Variants in FDCSP observed in about 807,000 individuals in gnomAD.
The protein encoded by FDCSP is follicular dendritic cell secreted peptide.
Under a neutral mutation model 8.9 loss-of-function variants are expected in FDCSP, and 8 were observed. The observed-to-expected ratio is 0.90, with a 90% confidence interval of 0.53 to 1.63. The LOEUF (loss-of-function observed/expected upper bound fraction) is 1.63. Ranked by LOEUF, FDCSP falls within the 40% of genes most tolerant of loss-of-function variation. The pLI is 0.00. For synonymous variants in FDCSP, 34 were observed against 34.5 expected, an observed-to-expected ratio of 0.98 and a Z score of 0.06; for missense variants, 101 against 103.6, an observed-to-expected ratio of 0.98 and a Z score of 0.11.
At chr4:70,232,091 G>T (rs1400300380) in intron 2 of FDCSP, among the ~76,000 whole-genome samples, 1 of 151,632 alleles carries the variant, frequency 6.6e-6, no homozygotes, top group East Asian at 1.9e-4. Flanking sequence ...GTAAGCTAAG[G>T]TTAATTTATT....
chr4:70,234,173 C>T lies in FDCSP; in HGVS notation c.244C>T (p.Pro82Ser), dbSNP rs371083252. The T allele has an allele frequency of 8.1e-6, 13 of 1,609,418 alleles. No homozygotes were observed. In the African/African-American group the frequency reaches 1.6e-4, roughly 20 times the overall value. Residue 82 changes from proline to serine, a missense_variant, in exon 4 of 5, where the codon CCT becomes TCT. Pro to Ser is a moderately conservative substitution (Grantham distance 74). Transcript: ENST00000317987. ...IPESAPTTPL[P>S]SEK Reference sequence around the variant, plus strand: ...TGAATCTGCCCCTACAACTCCCCTTCCTAGCGAAAAGTAAACAAGAAGGAA... The same window carrying T: ...TGAATCTGCCCCTACAACTCCCCTTTCTAGCGAAAAGTAAACAAGAAGGAA...
chr4:70,232,438 A>C (rs944370998), intron 2 of FDCSP, among the ~76,000 whole-genome samples: 9 of 151,734 alleles, frequency 5.9e-5, no homozygotes, highest in African/African-American at 1.9e-4. Context: ...TATGCCATAC[A>C]GTTTTGTAGT....
chr4:70,234,994 C>T (rs1413143195), intron 4 of FDCSP, 91 bp from the exon 5 acceptor site: 1 of 151,434 alleles, frequency 6.6e-6, no homozygotes, highest in East Asian at 1.9e-4. Flanking sequence ...ATTTTTAAGC[C>T]AATAGTTGTC....
At chr4:70,231,815 G>A (rs146578790) in intron 2 of FDCSP, among the ~76,000 whole-genome samples, 1 of 151,682 alleles carries the variant, frequency 6.6e-6, no homozygotes, top group Non-Finnish European at 1.5e-5. Context: ...GGAGATGATA[G>A]TTCCACATGT....
At chr4:70,231,727 AT>A (rs1730087779) in intron 2 of FDCSP, among the ~76,000 whole-genome samples, 1 of 151,684 alleles carries the variant, frequency 6.6e-6, no homozygotes, top group African/African-American at 2.4e-5. Flanking sequence ...TCCTTCTACT[AT>A]TTTTTAAACA....
chr4:70,232,972 A>C (rs1460022613), intron 2 of FDCSP, 22 bp from the exon 3 acceptor site: 2 of 1,581,876 alleles, frequency 1.3e-6, no homozygotes, highest in African/African-American at 2.7e-5. Context: ...GAGTTTAATT[A>C]ATTTCACTAT....
rs528563702 is a variant in FDCSP, at chr4:70,231,493, TA to T, written c.57+243del. Among the ~76,000 whole-genome samples the T allele has an allele frequency of 5.8e-3, 874 of 151,484 alleles. 10 individuals carry two copies. The highest frequency in any genetic ancestry group is 0.02 in the African/African-American group (822 of 41,376). ...TCCCCTCTCTATAAAAAAAAATATATATATAATGAACCTAATGACATTGTGG... is the reference window on the plus strand; with the variant it reads ...TCCCCTCTCTATAAAAAAAAATATATTATAATGAACCTAATGACATTGTGG... On this transcript the variant is annotated intron_variant, in intron 2 of 4. Coordinates refer to ENST00000317987, the MANE Select transcript of FDCSP (RefSeq NM_152997.4).
intron 2 of FDCSP, among the ~76,000 whole-genome samples, chr4:70,232,302 C>G (rs1375147932): frequency 6.6e-6 from 1 of 151,442 alleles, no homozygotes; most frequent in Non-Finnish European, 1.5e-5. Context: ...TAAAGGATAC[C>G]ATTTTCCATC....
In FDCSP at chr4:70,234,000, T is replaced by A; in HGVS notation, c.91-20T>A. 1.9e-6 allele frequency: 3 copies of A among 1,580,866 alleles called. No individual in the cohort carries two copies. Among genetic ancestry groups the A allele is most frequent in the Non-Finnish European group, 2.6e-6 (3 of 1,166,212 alleles). ...TTTGTAAAAAGTGAAATAAACCCTT[T>A]AACTTCTTTCTTTCAACAGATCAGT... On this transcript the variant is annotated intron_variant, in intron 3 of 4. Coordinates refer to ENST00000317987, the MANE Select transcript of FDCSP (RefSeq NM_152997.4).
chr4:70,228,252 T>G (rs555423994), intron 1 of FDCSP, among the ~76,000 whole-genome samples: 1 of 151,968 alleles, frequency 6.6e-6, no homozygotes, highest in African/African-American at 2.4e-5. Flanking sequence ...CAGGAGTAGA[T>G]TCCATCTCAA....
At chr4:70,229,077 A>G (rs1448979909) in intron 1 of FDCSP, among the ~76,000 whole-genome samples, 2 of 151,784 alleles carry the variant, frequency 1.3e-5, no homozygotes, top group Non-Finnish European at 2.9e-5. Context: ...TCTTTCTCCA[A>G]AATAAGACTG....
intron 1 of FDCSP, among the ~76,000 whole-genome samples, chr4:70,226,537 A>C (rs1307897030): frequency 6.6e-6 from 1 of 151,810 alleles, no homozygotes; most frequent in African/African-American, 2.4e-5. Context: ...CAGCAAACAG[A>C]GGGAATACGC....
At chr4:70,226,893 T>C (rs1343748316) in intron 1 of FDCSP, among the ~76,000 whole-genome samples, 1 of 151,928 alleles carries the variant, frequency 6.6e-6, no homozygotes, top group African/African-American at 2.4e-5. Flanking sequence ...TTTACTTATT[T>C]GCTTAATGTA....
chr4:70,230,486 T>C (rs1316558051), intron 1 of FDCSP, among the ~76,000 whole-genome samples: 3 of 151,770 alleles, frequency 2.0e-5, no homozygotes, highest in Non-Finnish European at 4.4e-5. Flanking sequence ...ACAGTGTGTG[T>C]AATATGATAA....
intron 3 of FDCSP, 90 bp downstream of exon 3, chr4:70,233,116 C>A: frequency 1.7e-6 from 2 of 1,148,026 alleles, no homozygotes; most frequent in Non-Finnish European, 1.2e-6. Context: ...CTAAACCTCC[C>A]AAACTGTGGA....
At chr4:70,232,960 A>C (rs1730111901) in intron 2 of FDCSP, 34 bp from the exon 3 acceptor site, 2 of 1,562,324 alleles carry the variant, frequency 1.3e-6, no homozygotes, top group Non-Finnish European at 1.7e-6. Flanking sequence ...TTTCATGAGC[A>C]TGAGTTTAAT....
At chr4:70,229,979 C>T (rs1296985507) in intron 1 of FDCSP, among the ~76,000 whole-genome samples, 2 of 151,524 alleles carry the variant, frequency 1.3e-5, no homozygotes, top group African/African-American at 2.4e-5. Flanking sequence ...GATAGACTTG[C>T]TCGATGCCGG....
Position 70,234,162 on chromosome 4 carries a change from C to T in FDCSP, c.233C>T (p.Thr78Ile). 2 of 1,610,218 alleles carry T rather than the reference C, an allele frequency of 1.2e-6. No homozygotes were observed. Among genetic ancestry groups the T allele is most frequent in the African/African-American group, 1.3e-5 (1 of 74,708 alleles). Residue 78 changes from threonine (T) to isoleucine (I), a missense_variant, in exon 4 of 5, where the codon ACA becomes ATA. Coordinates refer to ENST00000317987, the MANE Select transcript of FDCSP (RefSeq NM_152997.4). The part of the protein sequence containing the change: ...FPIPIPESAP[T>I]TPLPSEK ...ATTCCAATACCTGAATCTGCCCCTA[C>T]AACTCCCCTTCCTAGCGAAAAGTAA...
intron 1 of FDCSP, among the ~76,000 whole-genome samples, chr4:70,227,301 C>T (rs1730002556): frequency 6.6e-6 from 1 of 151,764 alleles, no homozygotes; most frequent in South Asian, 2.1e-4. Context: ...GAAGTCTGAA[C>T]TTGACCGGAA....
Sources: gnomAD v4.1 joint callset for allele counts (sites outside exome capture counted in the v4.1 genomes callset) on GRCh38, gnomAD v4.1.1 for gene constraint, MANE v1.5 for transcripts, NCBI Gene and HGNC (gene_info 2026-07-23, HGNC 2026-07-21) for gene names.